PRKD3: variants seen among roughly 807,000 people sequenced by gnomAD.
PRKD3 encodes protein kinase D3, also known as serine/threonine-protein kinase D3.
In PRKD3, 47 loss-of-function variants were observed where a neutral mutation model predicts 99.2. That is an observed-to-expected ratio of 0.47 (90% confidence interval 0.38 to 0.60). The LOEUF is 0.60. PRKD3 is among the 20% of genes least tolerant of loss of function. The probability of loss-of-function intolerance (pLI) is 0.00; values close to 1 mark genes in which losing one functional copy is unlikely to be tolerated. For synonymous variants in PRKD3, 392 were observed against 355.4 expected (o/e 1.10, Z -1.16); for missense variants, 1,019 against 1,088.4 (o/e 0.94, Z 0.90).
intron 16 of PRKD3, among the ~76,000 whole-genome samples, chr2:37,259,297 C>T (rs1668229088): frequency 6.6e-6 from 1 of 152,238 alleles, no homozygotes; most frequent in Non-Finnish European, 1.5e-5. Flanking sequence ...GTACCATGCA[C>T]CAACCAAGGT....
chr2:37,304,947 T>C (rs1187076722), intron 2 of PRKD3, among the ~76,000 whole-genome samples: 1 of 146,156 alleles, frequency 6.8e-6, no homozygotes. Flanking sequence ...TTATGATGAA[T>C]AGTAGAATTA....
At chr2:37,303,662 C>A (rs1042531124) in intron 2 of PRKD3, among the ~76,000 whole-genome samples, 2 of 152,044 alleles carry the variant, frequency 1.3e-5, no homozygotes, top group Non-Finnish European at 2.9e-5. Flanking sequence ...AAACAGGGTA[C>A]CCCGTCCCAA....
At chr2:37,275,698 A>T (rs1243295524) in intron 10 of PRKD3, 69 bp downstream of exon 10, 4 of 1,461,524 alleles carry the variant, frequency 2.7e-6, no homozygotes, top group Non-Finnish European at 2.8e-6. Flanking sequence ...TATAACAGTT[A>T]ATGAATATTA....
At chr2:37,305,315 T>C (rs888085526) in intron 2 of PRKD3, among the ~76,000 whole-genome samples, 1 of 152,236 alleles carries the variant, frequency 6.6e-6, no homozygotes, top group Non-Finnish European at 1.5e-5. Flanking sequence ...TCGTCAAAAC[T>C]AAAACCAAAT....
At chr2:37,254,131 C>G in intron 18 of PRKD3, 73 bp downstream of exon 18, 1 of 1,099,290 alleles carries the variant, frequency 9.1e-7, no homozygotes. Context: ...TTAGAGTGGT[C>G]TCATTAGGTG....
At chr2:37,301,859 C>T (rs1670946033) in intron 2 of PRKD3, among the ~76,000 whole-genome samples, 1 of 152,216 alleles carries the variant, frequency 6.6e-6, no homozygotes, top group African/African-American at 2.4e-5. Flanking sequence ...CAATGATCCT[C>T]AGCTGAGATG....
chr2:37,286,585 A>C (rs1670106720), intron 5 of PRKD3, among the ~76,000 whole-genome samples: 1 of 152,230 alleles, frequency 6.6e-6, no homozygotes, highest in Non-Finnish European at 1.5e-5. Context: ...AAAAACATCT[A>C]AGATATGTTA....
intron 18 of PRKD3, 173 bp from the exon 19 acceptor site, chr2:37,253,523 C>A: frequency 4.1e-6 from 2 of 482,142 alleles, no homozygotes; most frequent in Non-Finnish European, 7.0e-6. Context: ...TTTAAATGAG[C>A]AATTTAAAGA....
chr2:37,253,143 A>G lies in PRKD3; in HGVS notation c.*34T>C. ...ACACAGCAAAATATCAGTCCATAAA[A>G]TGAAATCCTTCCTTATTTAGGTTAG... is the stretch of plus-strand genomic sequence containing the variant. On this transcript the variant is annotated 3_prime_UTR_variant, in exon 19 of 19. Coordinates refer to ENST00000234179, the MANE Select transcript of PRKD3 (RefSeq NM_005813.6). 6.4e-7 allele frequency: 1 copy of G among 1,552,364 alleles called. No homozygotes were observed. The highest frequency in any genetic ancestry group is 8.8e-7 in the Non-Finnish European group (1 of 1,136,844).
chr2:37,254,906 A>G (rs532581457), intron 17 of PRKD3, among the ~76,000 whole-genome samples: 2 of 152,340 alleles, frequency 1.3e-5, no homozygotes, highest in South Asian at 2.1e-4. Flanking sequence ...CTTGGTATAT[A>G]TATTTTATTC....
chr2:37,289,452 TACTC>T lies in PRKD3; in HGVS notation c.617_620del (p.Gly206GlufsTer27), dbSNP rs1185090445. ...ATACATTTGACAGACGTCTCTTTCT[TACTC>T]CACTACAGTTATTTGGAATCTTGAA... On this transcript the variant is annotated frameshift_variant, in exon 5 of 19. Transcript: ENST00000234179. LOFTEE classifies it high-confidence loss of function. 6.2e-7 allele frequency: 1 copy of T among 1,613,878 alleles called. No individual in the cohort carries two copies.
At chr2:37,320,346 T>C (rs149768808) in intron 1 of PRKD3, among the ~76,000 whole-genome samples, 18 of 151,258 alleles carry the variant, frequency 1.2e-4, no homozygotes, top group African/African-American at 4.3e-4. Context: ...GTATCTGACT[T>C]AAGTAGTTTT....
At chr2:37,293,349 A>T in intron 2 of PRKD3, 78 bp from the exon 3 acceptor site, 3 of 1,343,578 alleles carry the variant, frequency 2.2e-6, no homozygotes, top group Non-Finnish European at 3.0e-6. Context: ...TTATCAAAGA[A>T]TTTAAAACAT....
At position 37,250,746 on chromosome 2, in the gene PRKD3, G is replaced by T. The variant is rs1667420611; in HGVS notation, c.*2431C>A. On this transcript the variant is annotated 3_prime_UTR_variant, in exon 19 of 19. Coordinates refer to ENST00000234179, the MANE Select transcript of PRKD3 (RefSeq NM_005813.6). ...AATACATTTTATTATCAAGCTTCCA[G>T]TATATTTACAAAAAGTTGGATATAA... is the stretch of plus-strand genomic sequence containing the variant. The T allele has an allele frequency of 6.6e-6, 1 of 152,126 alleles. No individual in the cohort carries two copies. Among genetic ancestry groups the T allele is most frequent in the Admixed American group, 6.6e-5 (1 of 15,248 alleles). The allele number at this position is 152,126 out of a possible 1,614,324, so 9.4% of individuals were successfully genotyped here. A position where few individuals can be genotyped will look rare whatever the true frequency, so the allele number is the denominator to read the frequency against.
At chr2:37,278,065 T>G in intron 8 of PRKD3, 76 bp from the exon 9 acceptor site, 1 of 1,280,956 alleles carries the variant, frequency 7.8e-7, no homozygotes, top group Non-Finnish European at 1.0e-6. Flanking sequence ...ACATGAAGCC[T>G]TTTTAAAGAC....
intron 2 of PRKD3, among the ~76,000 whole-genome samples, chr2:37,315,714 AATGCATTTTATTT>A (rs761315262): frequency 3.9e-5 from 6 of 152,176 alleles, no homozygotes; most frequent in Non-Finnish European, 5.9e-5. Flanking sequence ...AGCTAAAATA[AATGCATTTTATTT>A]ATGTTTTCAG....
chr2:37,317,212 T>C, intron 1 of PRKD3, 33 bp from the exon 2 acceptor site: 1 of 810,810 alleles, frequency 1.2e-6, no homozygotes, highest in Non-Finnish European at 1.5e-6. Flanking sequence ...TTTTTAATAC[T>C]TTATATTCAT....
At chr2:37,284,728 A>G (rs1002024616) in intron 6 of PRKD3, among the ~76,000 whole-genome samples, 3 of 152,194 alleles carry the variant, frequency 2.0e-5, no homozygotes, top group African/African-American at 7.2e-5. Context: ...TGTATAATCT[A>G]TTCCCCATTT....
rs777068385 is a variant in PRKD3 at position 37,269,652 on chromosome 2, C to T, written c.1740G>A (p.Glu580=). The T allele has an allele frequency of 1.2e-6, 2 of 1,612,948 alleles. No individual in the cohort carries two copies. Among genetic ancestry groups the T allele is most frequent in the East Asian group, 2.2e-5 (1 of 44,868 alleles). ...ISTVYQIFAD[E]VLGSGQFGIV... ...TGCCAAACTGGCCTGAACCAAGCAC[C>T]TCATCTGCAAAGATCTGGTAAACAG... Residue 580 remains glutamate (E), a synonymous_variant, in exon 13 of 19, where the codon GAG becomes GAA. Coordinates refer to ENST00000234179, the MANE Select transcript of PRKD3 (RefSeq NM_005813.6).
Sources: allele counts gnomAD v4.1 joint callset (sites outside exome capture counted in the v4.1 genomes callset), GRCh38; gene constraint gnomAD v4.1.1; transcripts MANE v1.5; gene names NCBI Gene and HGNC (gene_info 2026-07-23, HGNC 2026-07-21).